Variants in BORCS5 observed in about 807,000 individuals in gnomAD.
BORCS5 encodes the protein BLOC-1 related complex subunit 5, also known as BLOC-1-related complex subunit 5.
Under a neutral mutation model 22.1 loss-of-function variants are expected in BORCS5, and 17 were observed. The ratio of observed to expected loss-of-function variants is 0.77; its 90% CI spans 0.53 to 1.15. BORCS5 has a LOEUF of 1.15. Ranked by LOEUF, BORCS5 falls within the 50% of genes most tolerant of loss-of-function variation. The pLI, the probability that BORCS5 is intolerant of heterozygous loss-of-function variation, is 0.00. For missense variants in BORCS5, 247 were observed against 253.2 expected (o/e 0.98, Z 0.17); for synonymous variants, 117 against 99.8 (o/e 1.17, Z -1.03).
intron 2 of BORCS5, among the ~76,000 whole-genome samples, chr12:12,431,257 G>A (rs543815573): frequency 1.8e-4 from 28 of 152,240 alleles, no homozygotes; most frequent in African/African-American, 6.0e-4. Context: ...AATTTGACAG[G>A]TGAAAAATGG....
chr12:12,409,327 C>T (rs1941664693), intron 2 of BORCS5, among the ~76,000 whole-genome samples: 1 of 152,126 alleles, frequency 6.6e-6, no homozygotes, highest in African/African-American at 2.4e-5. Context: ...CCCATTAACT[C>T]GTCATTTAGC....
chr12:12,365,032 G>A (rs577899549), intron 2 of BORCS5, among the ~76,000 whole-genome samples: 1 of 152,334 alleles, frequency 6.6e-6, no homozygotes, highest in South Asian at 2.1e-4. Context: ...TTAATGCAAT[G>A]CAACTGGACC....
At chr12:12,393,804 A>G (rs1332296854) in intron 2 of BORCS5, among the ~76,000 whole-genome samples, 1 of 151,406 alleles carries the variant, frequency 6.6e-6, no homozygotes, top group East Asian at 1.9e-4. Flanking sequence ...TATAGGTGTG[A>G]GCCATCGCGC....
In BORCS5 at chr12:12,357,435, C is replaced by T; in HGVS notation, c.-17C>T. 1.2e-6 allele frequency: 2 copies of T among 1,604,598 alleles called. No homozygotes were observed. The highest frequency in any genetic ancestry group is 1.7e-6 in the Non-Finnish European group (2 of 1,172,944). On this transcript the variant is annotated 5_prime_UTR_variant, in exon 1 of 4. Coordinates refer to ENST00000314565, the MANE Select transcript of BORCS5 (RefSeq NM_058169.6). ...CGCCCGGCCCGCCGTTCTTCTGCTG[C>T]CACCGCTGTCGGCACCATGGGCAGT...
At chr12:12,454,718 A>G (rs1051038385) in intron 3 of BORCS5, among the ~76,000 whole-genome samples, 5 of 152,238 alleles carry the variant, frequency 3.3e-5, no homozygotes, top group Non-Finnish European at 5.9e-5. Context: ...TTCCAAGCAT[A>G]CTTTGCCATT....
chr12:12,454,663 T>A (rs908230658), intron 3 of BORCS5, among the ~76,000 whole-genome samples: 1 of 152,188 alleles, frequency 6.6e-6, no homozygotes, highest in East Asian at 1.9e-4. Context: ...TTAATGTGAT[T>A]ATGATTTGGG....
chr12:12,450,200 C>A (rs962307272), intron 3 of BORCS5, among the ~76,000 whole-genome samples: 1 of 152,226 alleles, frequency 6.6e-6, no homozygotes, highest in African/African-American at 2.4e-5. Flanking sequence ...CTGGCCCCAT[C>A]AGTCCCAGCT....
intron 2 of BORCS5, among the ~76,000 whole-genome samples, chr12:12,409,193 G>A (rs1348430611): frequency 6.6e-6 from 1 of 151,578 alleles, no homozygotes; most frequent in Non-Finnish European, 1.5e-5. Context: ...GGGATGTCAG[G>A]AATTCTTTTT....
chr12:12,441,738 C>T (rs1942687627), intron 3 of BORCS5, among the ~76,000 whole-genome samples: 1 of 151,632 alleles, frequency 6.6e-6, no homozygotes, highest in Non-Finnish European at 1.5e-5. Context: ...TTTTTTAAGC[C>T]CACTGTGGTT....
intron 2 of BORCS5, among the ~76,000 whole-genome samples, chr12:12,379,337 A>T (rs1173953830): frequency 6.8e-6 from 1 of 147,640 alleles, no homozygotes; most frequent in Non-Finnish European, 1.5e-5. Context: ...CTGGTCTTGA[A>T]CTCCTGGCCT....
At chr12:12,440,548 C>A (rs941205421) in intron 3 of BORCS5, among the ~76,000 whole-genome samples, 1 of 147,066 alleles carries the variant, frequency 6.8e-6, no homozygotes, top group African/African-American at 2.5e-5. Context: ...AACTAAAGTT[C>A]TGTAAGAGTT....
Position 12,369,933 on chromosome 12 carries a change from C to T in BORCS5, c.202+8584C>T, listed in dbSNP as rs1343605269. ...AGAGATGGGGTGTCACCATGTTGGT[C>T]AGGCTGGTCTCGAACTCCTGACCTC... On this transcript the variant is annotated intron_variant, in intron 2 of 3. Coordinates refer to ENST00000314565, the MANE Select transcript of BORCS5 (RefSeq NM_058169.6). Among the ~76,000 whole-genome samples the T allele has an allele frequency of 2.0e-5, 3 of 151,628 alleles. No homozygotes were observed. The East Asian group carries it at 5.8e-4, about 29-fold the overall frequency.
intron 2 of BORCS5, among the ~76,000 whole-genome samples, chr12:12,409,377 C>G (rs975745175): frequency 6.0e-5 from 9 of 150,550 alleles, no homozygotes; most frequent in Admixed American, 1.3e-4. Flanking sequence ...CCTCCTCCCC[C>G]CACCCCACAA....
In BORCS5 at chr12:12,384,920, A is replaced by C. The variant is rs369003808; in HGVS notation, c.202+23571A>C. Among the ~76,000 whole-genome samples the C allele has an allele frequency of 2.0e-4, 30 of 151,090 alleles. No individual in the cohort carries two copies. In the East Asian group the frequency reaches 5.6e-3, roughly 28 times the overall value. On this transcript the variant is annotated intron_variant, in intron 2 of 3. Transcript: ENST00000314565. ...CTCTCCATGTGTCTGCTTGCTTTTTAAACTTGCTTATATCTTTACATCTGC... is the reference window on the plus strand; with the variant it reads ...CTCTCCATGTGTCTGCTTGCTTTTTCAACTTGCTTATATCTTTACATCTGC...
At chr12:12,376,169 A>G (rs1410994962) in intron 2 of BORCS5, among the ~76,000 whole-genome samples, 2 of 152,048 alleles carry the variant, frequency 1.3e-5, no homozygotes, top group Non-Finnish European at 2.9e-5. Context: ...TTTATGAACA[A>G]AAAGTCTGTT....
chr12:12,405,383 A>G (rs1941573738), intron 2 of BORCS5, among the ~76,000 whole-genome samples: 1 of 152,224 alleles, frequency 6.6e-6, no homozygotes, highest in Non-Finnish European at 1.5e-5. Context: ...TGGTTTGGCT[A>G]CTGTATTATC....
chr12:12,452,876 T>G (rs1385347534), intron 3 of BORCS5, among the ~76,000 whole-genome samples: 1 of 152,196 alleles, frequency 6.6e-6, no homozygotes, highest in East Asian at 1.9e-4. Context: ...ACCCTAACCT[T>G]TATAATCTGT....
intron 2 of BORCS5, among the ~76,000 whole-genome samples, chr12:12,414,713 T>C (rs535478884): frequency 3.3e-5 from 4 of 121,880 alleles, no homozygotes; most frequent in African/African-American, 6.7e-5. Context: ...CCCTCCCGGA[T>C]GGGGTGGCTG....
intron 2 of BORCS5, among the ~76,000 whole-genome samples, chr12:12,396,470 G>A (rs1259266099): frequency 6.6e-6 from 1 of 152,232 alleles, no homozygotes; most frequent in Admixed American, 6.5e-5. Context: ...GCATGGTAGG[G>A]AATGGGAGGG....
Sources: allele counts gnomAD v4.1 joint callset (sites outside exome capture counted in the v4.1 genomes callset), GRCh38; gene constraint gnomAD v4.1.1; transcripts MANE v1.5; gene names NCBI Gene and HGNC (gene_info 2026-07-23, HGNC 2026-07-21).